The following COL14A1 variants were observed in gnomAD, a reference collection of about 807,000 sequenced individuals.
The protein encoded by COL14A1 is collagen type XIV alpha 1 chain.
Under a neutral mutation model 230.3 loss-of-function variants are expected in COL14A1, and 136 were observed. The ratio of observed to expected loss-of-function variants is 0.59; its 90% CI spans 0.51 to 0.68. The LOEUF is 0.68. COL14A1 is among the 30% of genes least tolerant of loss of function. COL14A1 has a pLI of 0.00. For synonymous variants in COL14A1, 792 were observed against 784.1 expected (o/e 1.01, Z -0.17); for missense variants, 1,976 against 2,215.8 (o/e 0.89, Z 2.17).
chr8:120,283,997 T>A (rs1820118605), intron 32 of COL14A1, among the ~76,000 whole-genome samples: 1 of 152,144 alleles, frequency 6.6e-6, no homozygotes, highest in African/African-American at 2.4e-5. Context: ...ACACTAAGCC[T>A]GGGATGCAGT....
At chr8:120,217,335 C>T (rs996961068) in intron 14 of COL14A1, among the ~76,000 whole-genome samples, 3 of 152,142 alleles carry the variant, frequency 2.0e-5, no homozygotes, top group African/African-American at 4.8e-5. Context: ...ATCTTGCATG[C>T]AGTGACTAAT....
chr8:120,209,974 A>G, intron 12 of COL14A1, 73 bp downstream of exon 12: 1 of 1,194,950 alleles, frequency 8.4e-7, no homozygotes, highest in Non-Finnish European at 1.1e-6. Context: ...TTATTGTAAA[A>G]ATTTAATGTA....
At position 120,298,862 on chromosome 8, in the gene COL14A1, G is replaced by A. The variant is rs529824248; in HGVS notation, c.4314+1274G>A. Reference sequence around the variant, plus strand: ...CAGACTGGGTAATTTATAAAGGAAGGTTTAGTTGACTCACAGTTTTGTACG... The same window carrying A: ...CAGACTGGGTAATTTATAAAGGAAGATTTAGTTGACTCACAGTTTTGTACG... On this transcript the variant is annotated intron_variant, in intron 35 of 47. Transcript: ENST00000297848. Among the ~76,000 whole-genome samples, 5 of 151,574 alleles carry A rather than the reference G, an allele frequency of 3.3e-5. No homozygotes were observed. The East Asian group carries it at 9.8e-4, about 30-fold the overall frequency.
At chr8:120,357,415 G>A (rs776497989) in intron 45 of COL14A1, among the ~76,000 whole-genome samples, 4 of 151,992 alleles carry the variant, frequency 2.6e-5, no homozygotes, top group Admixed American at 2.0e-4. Flanking sequence ...CAGAGCCACT[G>A]ATCCAAGAGA....
Position 120,196,960 on chromosome 8 carries a change from T to C in COL14A1, c.592+14T>C, listed in dbSNP as rs1417709971. The C allele has an allele frequency of 1.2e-6, 2 of 1,612,646 alleles. 1 individual carries two copies. Among genetic ancestry groups the C allele is most frequent in the Admixed American group, 3.3e-5 (2 of 59,840 alleles). On this transcript the variant is annotated intron_variant, in intron 6 of 47. Transcript: ENST00000297848. ...AGACACGAATTGGTATAATTTCTAT[T>C]ATTAGCAGTAGCAGTCAGTTGTCAG...
At chr8:120,339,052 A>G (rs1464073790) in intron 42 of COL14A1, among the ~76,000 whole-genome samples, 1 of 152,000 alleles carries the variant, frequency 6.6e-6, no homozygotes, top group Admixed American at 6.6e-5. Context: ...AACGCCTCCC[A>G]GGTTCAAGTG....
chr8:120,315,642 GA>G (rs538633058), intron 39 of COL14A1, 56 bp downstream of exon 39: 185 of 1,407,066 alleles, frequency 1.3e-4, no homozygotes, highest in Admixed American at 8.9e-4. Flanking sequence ...TGCCAAGGGG[GA>G]AAAAAAAGCT....
intron 42 of COL14A1, among the ~76,000 whole-genome samples, chr8:120,336,551 T>A (rs755522896): frequency 1.3e-5 from 2 of 152,130 alleles, no homozygotes; most frequent in Non-Finnish European, 2.9e-5. Context: ...TTAGCCCTGG[T>A]CTAGTCCATT....
At chr8:120,174,955 C>T (rs902402940) in intron 5 of COL14A1, among the ~76,000 whole-genome samples, 1 of 152,152 alleles carries the variant, frequency 6.6e-6, no homozygotes, top group Non-Finnish European at 1.5e-5. Flanking sequence ...GCATAAGCCC[C>T]TCCTCCAAGT....
Position 120,125,355 on chromosome 8 carries a change from C to T in COL14A1, c.-38+15C>T, listed in dbSNP as rs956942599. On this transcript the variant is annotated intron_variant, in intron 1 of 47. Transcript: ENST00000297848. ...GCCCAGCACAGGTCAGTTCGTCTTT[C>T]TCTGCTCTTCTTTGGCTCGGCTTCG... is the stretch of plus-strand genomic sequence containing the variant. The T allele has an allele frequency of 1.3e-5, 2 of 152,342 alleles. No individual in the cohort carries two copies. The highest frequency in any genetic ancestry group is 2.9e-5 in the Non-Finnish European group (2 of 68,112). 9.4% of individuals were successfully genotyped at this position (152,342 alleles called of 1,614,324 possible).
rs201747691 is a variant in COL14A1, at chr8:120,203,765, A to T, written c.934A>T (p.Thr312Ser). Residue 312 changes from threonine to serine, a missense_variant, in exon 9 of 48, where the codon ACT (threonine) becomes TCT (serine). Physicochemically the swap from Thr to Ser is moderately conservative, Grantham distance 58. Transcript: ENST00000297848. The stretch of plus-strand genomic sequence containing the variant: ...GGAGATCGCCTCTGAACCAGACAGC[A>T]CTCATGTGTACAATGTTGCCGAATT... Reference protein sequence around the residue: ...LQEIASEPDSTHVYNVAEFDL... With the variant: ...LQEIASEPDSSHVYNVAEFDL... The T allele has an allele frequency of 9.3e-6, 15 of 1,613,882 alleles. No homozygotes were observed. The African/African-American group carries it at 1.2e-4, about 13-fold the overall frequency.
intron 32 of COL14A1, 63 bp downstream of exon 32, chr8:120,283,841 A>T: frequency 7.0e-7 from 1 of 1,437,442 alleles, no homozygotes; most frequent in Non-Finnish European, 9.5e-7. Context: ...GTGGCATGCC[A>T]TTTTGCCTGT....
chr8:120,244,113 T>C (rs1818695157), intron 20 of COL14A1, 105 bp downstream of exon 20: 2 of 1,349,604 alleles, frequency 1.5e-6, no homozygotes, highest in East Asian at 5.0e-5. Context: ...GTGAAGAAAC[T>C]AAAAGATTTG....
At chr8:120,235,046 G>A (rs1016161236) in intron 19 of COL14A1, among the ~76,000 whole-genome samples, 1 of 152,162 alleles carries the variant, frequency 6.6e-6, no homozygotes, top group African/African-American at 2.4e-5. Flanking sequence ...TCTTGGGAGG[G>A]TGTATGTGTC....
chr8:120,280,215 C>A, intron 29 of COL14A1, 116 bp downstream of exon 29: 1 of 1,184,312 alleles, frequency 8.4e-7, no homozygotes, highest in Non-Finnish European at 1.2e-6. Context: ...TCCAGTACTG[C>A]TTGTTATATA....
chr8:120,314,017 A>G lies in COL14A1; in HGVS notation c.4541A>G (p.Gln1514Arg). The change falls in exon 38 of 48, where the codon CAA becomes CGA. Residue 1514 changes from glutamine (Q) to arginine (R), a missense_variant. This residue lies in a region of COL14A1 where 1,791 missense variants were observed against 2,019.5 expected (regional missense o/e 0.89). Transcript: ENST00000297848. ...CAAGGACCAAGTGGTCTGTCCATTC[A>G]AGGAATGCCCGTGAGTTGTGTTCAA... ...GPQGPSGLSI[Q>R]GMPGMPGEKG... The G allele has an allele frequency of 1.9e-6, 3 of 1,609,246 alleles. No homozygotes were observed. The highest frequency in any genetic ancestry group is 1.3e-5 in the African/African-American group (1 of 74,628).
intron 47 of COL14A1, among the ~76,000 whole-genome samples, chr8:120,370,089 GTGTGCATGCTGGCGTGC>G (rs1395433743): frequency 6.6e-6 from 1 of 152,144 alleles, no homozygotes; most frequent in Non-Finnish European, 1.5e-5. Context: ...AACATCTGCA[GTGTGCATGCTGGCGTGC>G]TGTGCAATGG....
Position 120,241,807 on chromosome 8 carries a change from C to T in COL14A1, c.2350-2072C>T, listed in dbSNP as rs545652440. The stretch of plus-strand genomic sequence containing the variant: ...TTGGGGTTTCGGTATGGCTCTTTTA[C>T]TCAATATCTATATGGGCCTCAGTTT... On this transcript the variant is annotated intron_variant, in intron 19 of 47. Transcript: ENST00000297848. Among the ~76,000 whole-genome samples, 22 of 152,166 alleles carry T rather than the reference C, an allele frequency of 1.4e-4. No homozygotes were observed. In the South Asian group the frequency reaches 4.6e-3, roughly 32 times the overall value.
At chr8:120,319,472 G>A (rs917582549) in intron 40 of COL14A1, among the ~76,000 whole-genome samples, 1 of 152,112 alleles carries the variant, frequency 6.6e-6, no homozygotes, top group African/African-American at 2.4e-5. Context: ...ACAACACCTG[G>A]CCAAATCTTT....
Sources: allele counts gnomAD v4.1 joint callset (sites outside exome capture counted in the v4.1 genomes callset), GRCh38; gene constraint gnomAD v4.1.1; regional missense constraint gnomAD v4.1.1; transcripts MANE v1.5; gene names NCBI Gene and HGNC (gene_info 2026-07-23, HGNC 2026-07-21).